Variants in COL13A1 observed in about 807,000 individuals in gnomAD.
COL13A1 encodes collagen alpha-1(XIII) chain.
A neutral mutation model predicts 130.9 loss-of-function variants in COL13A1; 89 were observed. The ratio of observed to expected loss-of-function variants is 0.68; its 90% confidence interval spans 0.57 to 0.81. The LOEUF is 0.81. Among genes scored for constraint, COL13A1 ranks in the 30% least tolerant of loss-of-function variants. The pLI is 0.00. For synonymous variants in COL13A1, 402 were observed against 341.6 expected (o/e 1.18, Z -1.95); for missense variants, 879 against 934.6 (o/e 0.94, Z 0.78).
In COL13A1 at chr10:69,889,340, G is replaced by A. The variant is rs1243340313; in HGVS notation, c.577-74G>A. ...AGGGAGGAGCACAGGGGGCAGGGAGGAGCATGAAGGACAGAGGGTGGAACT... is the reference window on the plus strand; with the variant it reads ...AGGGAGGAGCACAGGGGGCAGGGAGAAGCATGAAGGACAGAGGGTGGAACT... On this transcript the variant is annotated intron_variant, in intron 9 of 40. Transcript: ENST00000645393. The A allele has an allele frequency of 4.1e-6, 6 of 1,457,600 alleles. No homozygotes were observed. In the Admixed American group the frequency reaches 1.0e-4, roughly 25 times the overall value. The allele number at this position is 1,457,600 out of a possible 1,614,324, so 90.3% of individuals were successfully genotyped here.
chr10:69,882,397 C>T (rs1426984006), intron 7 of COL13A1, among the ~76,000 whole-genome samples: 1 of 152,210 alleles, frequency 6.6e-6, no homozygotes, highest in African/African-American at 2.4e-5. Flanking sequence ...CGGCCTCTGC[C>T]CAGCATGGAT....
At chr10:69,878,015 C>G (rs2059773654) in intron 5 of COL13A1, 24 bp from the exon 6 acceptor site, 2 of 702,902 alleles carry the variant, frequency 2.8e-6, no homozygotes, top group African/African-American at 3.5e-5. Flanking sequence ...TTCCTGCACC[C>G]TGTGTTGCAT....
intron 15 of COL13A1, among the ~76,000 whole-genome samples, chr10:69,904,129 G>A (rs1052631190): frequency 8.5e-5 from 13 of 152,164 alleles, no homozygotes; most frequent in Admixed American, 6.5e-4. Flanking sequence ...CTGAAAGGAA[G>A]GGAAACTCAG....
intron 2 of COL13A1, among the ~76,000 whole-genome samples, chr10:69,833,885 G>A (rs182194412): frequency 2.0e-5 from 3 of 152,148 alleles, no homozygotes; most frequent in Non-Finnish European, 4.4e-5. Context: ...GAGGCAGACC[G>A]TGGAGGGAGT....
intron 1 of COL13A1, 70 bp from the exon 2 acceptor site, chr10:69,822,299 C>A: frequency 1.6e-6 from 2 of 1,273,048 alleles, no homozygotes; most frequent in Non-Finnish European, 2.1e-6. Context: ...CCTCGTCAGC[C>A]CACAGCTGCT....
intron 4 of COL13A1, among the ~76,000 whole-genome samples, chr10:69,874,214 G>A (rs979373306): frequency 2.0e-5 from 3 of 152,208 alleles, no homozygotes; most frequent in African/African-American, 7.2e-5. Flanking sequence ...ATACATGGTG[G>A]ATGCTCATTG....
At chr10:69,894,462 G>T in intron 10 of COL13A1, 90 bp from the exon 11 acceptor site, 1 of 1,506,116 alleles carries the variant, frequency 6.6e-7, no homozygotes, top group East Asian at 2.3e-5. Flanking sequence ...CCCAGCCTTC[G>T]GGATTCAGCC....
intron 7 of COL13A1, among the ~76,000 whole-genome samples, chr10:69,884,154 A>G (rs187271470): frequency 1.6e-4 from 25 of 152,328 alleles, no homozygotes; most frequent in Admixed American, 3.3e-4. Flanking sequence ...GGGAACTGTC[A>G]TCTGCTGCTG....
chr10:69,893,176 C>T (rs2061346522), intron 10 of COL13A1, among the ~76,000 whole-genome samples: 1 of 152,224 alleles, frequency 6.6e-6, no homozygotes, highest in Non-Finnish European at 1.5e-5. Flanking sequence ...CATGGCAAAA[C>T]CCTGTCTCTA....
chr10:69,814,538 C>G (rs1427219228), intron 1 of COL13A1, among the ~76,000 whole-genome samples: 2 of 152,232 alleles, frequency 1.3e-5, no homozygotes, highest in East Asian at 3.8e-4. Flanking sequence ...ATCTGGATAC[C>G]TCTGTTTATT....
At chr10:69,819,476 C>T (rs1450140777) in intron 1 of COL13A1, among the ~76,000 whole-genome samples, 1 of 152,116 alleles carries the variant, frequency 6.6e-6, no homozygotes, top group Non-Finnish European at 1.5e-5. Flanking sequence ...TGACAGAGGC[C>T]CCAGCTGGTC....
intron 35 of COL13A1, among the ~76,000 whole-genome samples, chr10:69,943,488 C>T (rs899585900): frequency 1.3e-5 from 2 of 152,226 alleles, no homozygotes; most frequent in African/African-American, 4.8e-5. Context: ...GCGCCCCCAG[C>T]CCCGGGCTAG....
chr10:69,896,723 G>A (rs986047755), intron 13 of COL13A1, among the ~76,000 whole-genome samples: 30 of 152,148 alleles, frequency 2.0e-4, no homozygotes, highest in Non-Finnish European at 2.5e-4. Flanking sequence ...AGCCTGGTAC[G>A]TGAGAGGCTG....
chr10:69,922,027 G>T, intron 22 of COL13A1, 92 bp downstream of exon 22: 5 of 1,440,542 alleles, frequency 3.5e-6, no homozygotes, highest in Middle Eastern at 1.8e-4. Context: ...AGCATTGGAC[G>T]TGTCTGTCTC....
At chr10:69,918,998 G>A in intron 19 of COL13A1, 64 bp from the exon 20 acceptor site, 2 of 1,606,404 alleles carry the variant, frequency 1.2e-6, no homozygotes, top group Non-Finnish European at 1.7e-6. Context: ...TCCACCAACA[G>A]GTGCCTTGCT....
chr10:69,817,331 G>A (rs1355868553), intron 1 of COL13A1, among the ~76,000 whole-genome samples: 2 of 151,812 alleles, frequency 1.3e-5, no homozygotes, highest in African/African-American at 2.4e-5. Context: ...AGGCGCAGAT[G>A]CAGATGGACG....
chr10:69,831,718 T>C (rs1158429191), intron 2 of COL13A1, among the ~76,000 whole-genome samples: 1 of 152,204 alleles, frequency 6.6e-6, no homozygotes, highest in Non-Finnish European at 1.5e-5. Context: ...AGCTGTGCTG[T>C]CTGCAGGAAG....
intron 2 of COL13A1, among the ~76,000 whole-genome samples, chr10:69,839,463 A>C (rs1850998128): frequency 6.6e-6 from 1 of 152,220 alleles, no homozygotes; most frequent in African/African-American, 2.4e-5. Flanking sequence ...AAGGCTGACC[A>C]TGTGATCCAG....
intron 17 of COL13A1, among the ~76,000 whole-genome samples, chr10:69,910,273 T>A (rs1220982944): frequency 6.6e-6 from 1 of 151,936 alleles, no homozygotes; most frequent in Admixed American, 6.5e-5. Context: ...TGGCCTCCCC[T>A]ACCACCCTGG....
Sources: allele counts gnomAD v4.1 joint callset (sites outside exome capture counted in the v4.1 genomes callset), GRCh38; gene constraint gnomAD v4.1.1; transcripts MANE v1.5; gene names NCBI Gene and HGNC (gene_info 2026-07-23, HGNC 2026-07-21).